The following DDX46 variants were observed in gnomAD, a reference collection of about 807,000 sequenced individuals.
DDX46 encodes probable ATP-dependent RNA helicase DDX46.
Under a neutral mutation model 134.9 loss-of-function variants are expected in DDX46, and 30 were observed. The observed-to-expected ratio is 0.22, with a 90% confidence interval of 0.17 to 0.30. The LOEUF (loss-of-function observed/expected upper bound fraction) is 0.30. DDX46 is among the 10% of genes least tolerant of loss of function. The probability of loss-of-function intolerance (pLI) is 1.00; values close to 1 mark genes in which losing one functional copy is unlikely to be tolerated. For missense variants in DDX46, 622 were observed against 1,248.7 expected (o/e 0.50, Z 7.56); for synonymous variants, 415 against 404.1 (o/e 1.03, Z -0.32).
intron 3 of DDX46, among the ~76,000 whole-genome samples, chr5:134,767,328 T>C (rs1028379132): frequency 5.3e-5 from 8 of 152,138 alleles, no homozygotes; most frequent in Admixed American, 5.2e-4. Flanking sequence ...TTTATAGACA[T>C]CTTTGTAGAA....
At chr5:134,799,537 G>A (rs951312388) in intron 15 of DDX46, among the ~76,000 whole-genome samples, 6 of 151,788 alleles carry the variant, frequency 4.0e-5, no homozygotes, top group African/African-American at 1.2e-4. Flanking sequence ...CATGAGTTTG[G>A]GACCAGCCTG....
Position 134,773,702 on chromosome 5 carries a change from G to T in DDX46, c.454G>T (p.Asp152Tyr). The T allele has an allele frequency of 6.3e-7, 1 of 1,589,352 alleles. No individual in the cohort carries two copies. The highest frequency in any genetic ancestry group is 1.2e-5 in the South Asian group (1 of 86,582). ...TTTCTTTTATTCCCCCAAGAACTTTGACCAGAATAAGCTGGAAGAAGAAAT... is the reference window on the plus strand; with the variant it reads ...TTTCTTTTATTCCCCCAAGAACTTTTACCAGAATAAGCTGGAAGAAGAAAT... ...DEKEKDAGNF[D>Y]QNKLEEEMRK... The change falls in exon 5 of 23, where the codon GAC becomes TAC. Residue 152 changes from aspartate to tyrosine, a missense_variant. Around this residue, in one of 8 missense-constraint regions of DDX46, gnomAD observed 244 missense variants for 349.3 expected, o/e 0.70. Transcript: ENST00000452510.
At chr5:134,797,199 A>C (rs71587541) in intron 15 of DDX46, 1 of 273,892 alleles carries the variant, frequency 3.7e-6, no homozygotes, top group South Asian at 3.7e-5. Context: ...AAAAAAAAAC[A>C]CAAAACACAT....
chr5:134,791,556 G>T (rs1053224824), intron 13 of DDX46, among the ~76,000 whole-genome samples: 1 of 147,844 alleles, frequency 6.8e-6, no homozygotes. Context: ...GCGAGACTCC[G>T]TCTCAAAAAA....
intron 20 of DDX46, among the ~76,000 whole-genome samples, chr5:134,818,568 G>T (rs1474118626): frequency 6.6e-6 from 1 of 151,694 alleles, no homozygotes; most frequent in Non-Finnish European, 1.5e-5. Context: ...TGGGCATGGT[G>T]GCGCATGCCT....
At position 134,782,927 on chromosome 5, in the gene DDX46, C is replaced by G; in HGVS notation, c.1046-18C>G. 1 of 1,606,906 alleles carries G rather than the reference C, an allele frequency of 6.2e-7. No individual in the cohort carries two copies. On this transcript the variant is annotated intron_variant, in intron 8 of 22. Transcript: ENST00000452510. ...AGAACAATATTTAAGAACTTTTAATCTGGGTTTTGTTTTGTAGAGGTAAAT... is the reference window on the plus strand; with the variant it reads ...AGAACAATATTTAAGAACTTTTAATGTGGGTTTTGTTTTGTAGAGGTAAAT...
intron 6 of DDX46, among the ~76,000 whole-genome samples, chr5:134,779,258 A>G (rs535940812): frequency 7.5e-4 from 113 of 151,624 alleles, no homozygotes; most frequent in Non-Finnish European, 1.4e-3. Context: ...CAGTGGCACT[A>G]TCTCTGCTCA....
At chr5:134,778,424 GTCCCTTC>G (rs1754016172) in intron 6 of DDX46, among the ~76,000 whole-genome samples, 1 of 151,850 alleles carries the variant, frequency 6.6e-6, no homozygotes, top group Non-Finnish European at 1.5e-5. Flanking sequence ...TTTACAGTAT[GTCCCTTC>G]TCCCTTCTAA....
intron 15 of DDX46, chr5:134,805,153 A>C (rs1580808737): frequency 1.8e-5 from 3 of 166,812 alleles, no homozygotes; most frequent in Non-Finnish European, 2.6e-5. Context: ...TCTAGATAAC[A>C]CCCCTGAAAG....
chr5:134,795,316 A>G (rs375107823), intron 14 of DDX46, among the ~76,000 whole-genome samples: 1 of 146,826 alleles, frequency 6.8e-6, no homozygotes, highest in East Asian at 2.0e-4. Context: ...ATCTTTGTCC[A>G]TGCTAAGTTC....
At chr5:134,779,613 T>C (rs968438690) in intron 6 of DDX46, among the ~76,000 whole-genome samples, 1 of 152,186 alleles carries the variant, frequency 6.6e-6, no homozygotes, top group Non-Finnish European at 1.5e-5. Context: ...ATCGTTCTGC[T>C]TCAACCTTCT....
At chr5:134,777,808 T>C in intron 6 of DDX46, 83 bp downstream of exon 6, 1 of 1,467,594 alleles carries the variant, frequency 6.8e-7, no homozygotes, top group Non-Finnish European at 9.1e-7. Context: ...CTGATTGGCA[T>C]GACTTTGTAA....
At chr5:134,792,891 A>G (rs1178278836) in intron 13 of DDX46, among the ~76,000 whole-genome samples, 2 of 152,192 alleles carry the variant, frequency 1.3e-5, no homozygotes, top group African/African-American at 2.4e-5. Flanking sequence ...GTGGTGATGT[A>G]TGCTTAGGAT....
At chr5:134,777,176 C>T (rs1390950542) in intron 5 of DDX46, among the ~76,000 whole-genome samples, 1 of 150,722 alleles carries the variant, frequency 6.6e-6, no homozygotes, top group Non-Finnish European at 1.5e-5. Flanking sequence ...TGAGATTGTG[C>T]CACTGTACTC....
At chr5:134,784,237 G>A in intron 9 of DDX46, 129 bp from the exon 10 acceptor site, 1 of 875,560 alleles carries the variant, frequency 1.1e-6, no homozygotes, top group Non-Finnish European at 1.7e-6. Context: ...CCTTTTTATT[G>A]CCAAATAGTA....
chr5:134,812,145 A>ACCT (rs768647240), intron 18 of DDX46, among the ~76,000 whole-genome samples: 1 of 145,956 alleles, frequency 6.9e-6, no homozygotes, highest in Non-Finnish European at 1.5e-5. Context: ...ATTCACTGTA[A>ACCT]CCTCCGCCTC....
At chr5:134,766,795 T>C in intron 2 of DDX46, 122 bp from the exon 3 acceptor site, 3 of 1,204,372 alleles carry the variant, frequency 2.5e-6, no homozygotes, top group Non-Finnish European at 3.4e-6. Flanking sequence ...CTTTACTTCA[T>C]TGAGACCTCC....
In DDX46 at chr5:134,816,532, G is replaced by C; in HGVS notation, c.2539G>C (p.Glu847Gln). Residue 847 changes from glutamate to glutamine, a missense_variant, in exon 19 of 23, where the codon GAG becomes CAG. By Grantham distance (29) the Glu-to-Gln change is conservative (BLOSUM62 2). Transcript: ENST00000452510. ...SVPAPTAGNA[E>Q]KLEIAKRLAL... ...TCCTGCTCCAACTGCAGGAAATGCTGAGAAATTAGAAATTGCTAAGAGATT... is the reference window on the plus strand; with the variant it reads ...TCCTGCTCCAACTGCAGGAAATGCTCAGAAATTAGAAATTGCTAAGAGATT... 6.2e-7 allele frequency: 1 copy of C among 1,614,050 alleles called. No homozygotes were observed. Among genetic ancestry groups the C allele is most frequent in the Non-Finnish European group, 8.5e-7 (1 of 1,179,984 alleles).
At chr5:134,797,443 G>A (rs1423993456) in intron 15 of DDX46, among the ~76,000 whole-genome samples, 1 of 152,198 alleles carries the variant, frequency 6.6e-6, no homozygotes, top group Non-Finnish European at 1.5e-5. Flanking sequence ...CTGGCAAATT[G>A]GTACTGGCTC....
Sources: gnomAD v4.1 joint callset for allele counts (sites outside exome capture counted in the v4.1 genomes callset) on GRCh38, gnomAD v4.1.1 for gene constraint, gnomAD v4.1.1 regional missense constraint, MANE v1.5 for transcripts, NCBI Gene and HGNC (gene_info 2026-07-23, HGNC 2026-07-21) for gene names.